Variants in SPARCL1 observed in about 807,000 individuals in gnomAD.
The protein encoded by SPARCL1 is SPARC-like protein 1.
SPARCL1 carries 52 observed loss-of-function variants against 67.1 expected under a neutral mutation model. The observed-to-expected ratio is 0.78, with a 90% confidence interval of 0.62 to 0.98. SPARCL1 has a LOEUF of 0.98. Among genes scored for constraint, SPARCL1 ranks in the 50% least tolerant of loss-of-function variants. The pLI is 0.00. For synonymous variants in SPARCL1, 226 were observed against 267.8 expected, an observed-to-expected ratio of 0.84 and a Z score of 1.52; for missense variants, 717 against 782.4, an observed-to-expected ratio of 0.92 and a Z score of 1.00.
chr4:87,511,967 C>CTCTTTTTTTTTTTTTTTT (rs71667858), intron 1 of SPARCL1, among the ~76,000 whole-genome samples: 2 of 121,566 alleles, frequency 1.6e-5, no homozygotes, highest in African/African-American at 6.4e-5. Flanking sequence ...CTTTCTTTCT[C>CTCTTTTTTTTTTTTTTTT]TTTTTTTTTT....
Position 87,482,534 on chromosome 4 carries a change from C to T in SPARCL1, c.1558G>A (p.Val520Met), listed in dbSNP as rs1560812973. The T allele has an allele frequency of 1.2e-6, 2 of 1,613,884 alleles. No individual in the cohort carries two copies. ...KSIPTCTDFEVIQFPLRMRDW... is the reference protein window; with the variant it reads ...KSIPTCTDFEMIQFPLRMRDW... ...CTCATCCGTAGAGGAAACTGAATCA[C>T]TTCAAAGTCCGTACAAGTAGGAATA... Residue 520 changes from valine to methionine, a missense_variant, in exon 8 of 11, where the codon GTG becomes ATG. By Grantham distance (21) the Val-to-Met change is conservative (BLOSUM62 1). Transcript: ENST00000282470.
At chr4:87,521,267 C>A in intron 1 of SPARCL1, among the ~76,000 whole-genome samples, 1 of 152,124 alleles carries the variant, frequency 6.6e-6, no homozygotes, top group Admixed American at 6.5e-5. Flanking sequence ...ACTTAGCACA[C>A]CTGCTCCCCT....
At chr4:87,494,853 G>A in intron 3 of SPARCL1, 128 bp downstream of exon 3, 4 of 859,280 alleles carry the variant, frequency 4.7e-6, no homozygotes, top group Non-Finnish European at 7.0e-6. Context: ...GGAGGCAGTT[G>A]AGGTGATCAT....
At chr4:87,512,331 G>T (rs1222022214) in intron 1 of SPARCL1, among the ~76,000 whole-genome samples, 2 of 152,070 alleles carry the variant, frequency 1.3e-5, no homozygotes, top group African/African-American at 4.8e-5. Flanking sequence ...GAAGATAAAG[G>T]GTAAGAGAGG....
At position 87,493,775 on chromosome 4, in the gene SPARCL1, T is replaced by C. The variant is rs750404955; in HGVS notation, c.1025A>G (p.Asp342Gly). Residue 342 changes from aspartate (D) to glycine (G), a missense_variant, in exon 4 of 11, where the codon GAT becomes GGT. Physicochemically the swap from Asp to Gly is moderately conservative, Grantham distance 94 (BLOSUM62 -1). Coordinates refer to ENST00000282470, the MANE Select transcript of SPARCL1 (RefSeq NM_004684.6). ...AGTGCCGCCATCATCGCCATCATCA[T>C]CGCCATCATCATCAACTCCATGATT... ...PRNHGVDDDG[D>G]DDGDDGGTDG... 20 of 1,614,122 alleles carry C rather than the reference T, an allele frequency of 1.2e-5. No individual in the cohort carries two copies. The highest frequency in any genetic ancestry group is 1.5e-5 in the Non-Finnish European group (18 of 1,179,980).
At chr4:87,528,238 G>C (rs927476825) in intron 1 of SPARCL1, 1 of 151,756 alleles carries the variant, frequency 6.6e-6, no homozygotes, top group Non-Finnish European at 1.5e-5. Context: ...TAATACCTGG[G>C]AAGGATGAAT....
In SPARCL1 at chr4:87,494,621, TC is replaced by T. The variant is rs770560564; in HGVS notation, c.202-24del. ...AGCCTTAAAAGAAAAAAAAGTTCAT[TC>T]TTCAAACAAATGATAATGTAACCAT... On this transcript the variant is annotated intron_variant, in intron 3 of 10. Transcript: ENST00000282470. The T allele has an allele frequency of 4.6e-6, 7 of 1,536,502 alleles. No individual in the cohort carries two copies. In the African/African-American group the frequency reaches 9.8e-5, roughly 21 times the overall value.
At chr4:87,510,422 T>C (rs972575429) in intron 1 of SPARCL1, among the ~76,000 whole-genome samples, 1 of 152,126 alleles carries the variant, frequency 6.6e-6, no homozygotes, top group African/African-American at 2.4e-5. Flanking sequence ...TTTTTACCAA[T>C]TGAATATTGC....
chr4:87,504,793 A>G (rs1029131000), intron 1 of SPARCL1: 48 of 152,348 alleles, frequency 3.2e-4, no homozygotes, highest in African/African-American at 1.2e-3. Flanking sequence ...AAAAGTTCCA[A>G]ACATTTTAAG....
chr4:87,493,164 A>G (rs1409575913), intron 4 of SPARCL1, among the ~76,000 whole-genome samples: 2 of 152,306 alleles, frequency 1.3e-5, no homozygotes, highest in Non-Finnish European at 2.9e-5. Flanking sequence ...CACTCAAGGG[A>G]CAGGCTGGAA....
chr4:87,488,699 C>G (rs1724178211), intron 7 of SPARCL1, among the ~76,000 whole-genome samples: 1 of 152,188 alleles, frequency 6.6e-6, no homozygotes, highest in Non-Finnish European at 1.5e-5. Context: ...GCCGCCCCTT[C>G]CCCCAGGTGC....
chr4:87,517,481 C>G (rs931841648), intron 1 of SPARCL1, among the ~76,000 whole-genome samples: 8 of 152,076 alleles, frequency 5.3e-5, no homozygotes, highest in African/African-American at 1.9e-4. Context: ...CCTTTTAAAG[C>G]CTAGCCCCTG....
intron 10 of SPARCL1, among the ~76,000 whole-genome samples, chr4:87,478,006 T>C (rs1723650063): frequency 6.6e-6 from 1 of 152,214 alleles, no homozygotes; most frequent in Non-Finnish European, 1.5e-5. Flanking sequence ...CCTCATACTT[T>C]CACCTCTTCC....
chr4:87,528,494 A>T (rs1267278891), intron 1 of SPARCL1: 1 of 152,200 alleles, frequency 6.6e-6, no homozygotes, highest in African/African-American at 2.4e-5. Context: ...AAGGGAAAAT[A>T]ATCGCAATAA....
intron 1 of SPARCL1, among the ~76,000 whole-genome samples, chr4:87,517,132 C>G (rs1446317609): frequency 6.6e-6 from 1 of 152,070 alleles, no homozygotes. Context: ...AAAGAGAACA[C>G]AGGATTTTCT....
At chr4:87,528,467 G>A (rs1726142884) in intron 1 of SPARCL1, 1 of 152,178 alleles carries the variant, frequency 6.6e-6, no homozygotes, top group Admixed American at 6.5e-5. Context: ...TTATAAAGCT[G>A]TAAAAGGGAA....
chr4:87,493,152 C>T (rs1724428029), intron 4 of SPARCL1, among the ~76,000 whole-genome samples: 1 of 152,200 alleles, frequency 6.6e-6, no homozygotes, highest in East Asian at 1.9e-4. Context: ...ATTGACCTGG[C>T]TCACTCAAGG....
At chr4:87,521,184 T>C (rs149337383) in intron 1 of SPARCL1, among the ~76,000 whole-genome samples, 1 of 152,376 alleles carries the variant, frequency 6.6e-6, no homozygotes, top group East Asian at 1.9e-4. Context: ...TTTTAGAACA[T>C]TAATTTACAT....
chr4:87,508,345 G>A (rs528771717), intron 1 of SPARCL1, among the ~76,000 whole-genome samples: 3 of 151,750 alleles, frequency 2.0e-5, no homozygotes, highest in East Asian at 1.9e-4. Flanking sequence ...ACAGGTGATT[G>A]CCACCACACT....
Sources: allele counts gnomAD v4.1 joint callset (sites outside exome capture counted in the v4.1 genomes callset), GRCh38; gene constraint gnomAD v4.1.1; transcripts MANE v1.5; gene names NCBI Gene and HGNC (gene_info 2026-07-23, HGNC 2026-07-21).